Variants in LRP1B observed in about 807,000 individuals in gnomAD.
LRP1B encodes low-density lipoprotein receptor-related protein 1B.
Under a neutral mutation model 556.6 loss-of-function variants are expected in LRP1B, and 217 were observed. The ratio of observed to expected loss-of-function variants is 0.39; its 90% CI spans 0.35 to 0.44. The LOEUF (loss-of-function observed/expected upper bound fraction) is 0.44. LRP1B is among the 20% of genes least tolerant of loss of function. LRP1B has a pLI of 1.00. For synonymous variants in LRP1B, 2,047 were observed against 1,865.8 expected (o/e 1.10, Z -2.50); for missense variants, 5,053 against 5,620.8 (o/e 0.90, Z 3.23).
At chr2:140,632,325 TGG>T (rs1683916089) in intron 41 of LRP1B, among the ~76,000 whole-genome samples, 4 of 152,124 alleles carry the variant, frequency 2.6e-5, no homozygotes, top group Non-Finnish European at 4.4e-5. Flanking sequence ...TTATAGCATA[TGG>T]ATTAGTGAAA....
chr2:141,220,769 T>TAA (rs34002651), intron 6 of LRP1B, among the ~76,000 whole-genome samples: 96 of 137,106 alleles, frequency 7.0e-4, no homozygotes, highest in East Asian at 1.8e-3. Flanking sequence ...TCAACATTCT[T>TAA]AAAAAAAAAA....
At chr2:140,323,722 A>ATTCC in intron 81 of LRP1B, among the ~76,000 whole-genome samples, 171 bp downstream of exon 81, 1 of 152,044 alleles carries the variant, frequency 6.6e-6, no homozygotes, top group Admixed American at 6.6e-5. Flanking sequence ...CAGAAATAGA[A>ATTCC]TTATCTATAG....
At chr2:141,726,560 T>C (rs931971182) in intron 2 of LRP1B, among the ~76,000 whole-genome samples, 1 of 151,988 alleles carries the variant, frequency 6.6e-6, no homozygotes, top group African/African-American at 2.4e-5. Flanking sequence ...TAAAGATTAT[T>C]AAAAGAGCAA....
chr2:141,061,120 T>G (rs1469997436), intron 8 of LRP1B, among the ~76,000 whole-genome samples: 2 of 151,702 alleles, frequency 1.3e-5, no homozygotes, highest in Admixed American at 6.6e-5. Context: ...TCAAGATTTT[T>G]GGGGCAGTTG....
chr2:141,276,205 G>C (rs1413556801), intron 3 of LRP1B, among the ~76,000 whole-genome samples: 1 of 152,004 alleles, frequency 6.6e-6, no homozygotes, highest in African/African-American at 2.4e-5. Flanking sequence ...CAACCTGTTT[G>C]TGGTTTCACA....
In LRP1B at chr2:140,473,313, C is replaced by CT. The variant is rs1687842997; in HGVS notation, c.9625+1824dup. 2.6e-5 allele frequency among the ~76,000 whole-genome samples: 4 copies of CT among 152,106 alleles called. No individual in the cohort carries two copies. The Middle Eastern group carries it at 0.01, about 388-fold the overall frequency. ...AAATATTCTGAAGGCTGCAACTCTA[C>CT]TTTTCTTCCCATTTAAGTCTTGATG... On this transcript the variant is annotated intron_variant, in intron 60 of 90. Coordinates refer to ENST00000389484, the MANE Select transcript of LRP1B (RefSeq NM_018557.3).
chr2:140,499,768 T>A (rs185599619), intron 55 of LRP1B, among the ~76,000 whole-genome samples: 276 of 152,080 alleles, frequency 1.8e-3, no homozygotes, highest in Non-Finnish European at 3.6e-3. Context: ...TAAAAATGTT[T>A]AGAAAAGGTA....
intron 1 of LRP1B, among the ~76,000 whole-genome samples, chr2:142,046,128 T>C (rs1704249997): frequency 6.6e-6 from 1 of 151,980 alleles, no homozygotes. Flanking sequence ...GTTTCTCCTG[T>C]GTCTCCTTGT....
At chr2:141,539,608 T>C (rs1234767644) in intron 2 of LRP1B, among the ~76,000 whole-genome samples, 1 of 152,178 alleles carries the variant, frequency 6.6e-6, no homozygotes, top group Admixed American at 6.6e-5. Context: ...CAACAGTTGA[T>C]GGTTGCAGGA....
chr2:140,542,822 GA>G (rs1417937489), intron 43 of LRP1B, among the ~76,000 whole-genome samples: 2 of 152,228 alleles, frequency 1.3e-5, no homozygotes, highest in East Asian at 3.9e-4. Flanking sequence ...TATCTGAAAA[GA>G]GTCATCCTGG....
chr2:141,686,408 T>C (rs189004268), intron 2 of LRP1B, among the ~76,000 whole-genome samples: 1 of 152,144 alleles, frequency 6.6e-6, no homozygotes, highest in Admixed American at 6.6e-5. Flanking sequence ...GTCCCTGAGA[T>C]TGCTGTGTGC....
Position 140,325,887 on chromosome 2 carries a change from TCAA to T in LRP1B, c.12224-12_12224-10del. 6.5e-7 allele frequency: 1 copy of T among 1,530,096 alleles called. No homozygotes were observed. The highest frequency in any genetic ancestry group is 1.7e-5 in the Admixed American group (1 of 59,266). 94.8% of individuals were successfully genotyped at this position (1,530,096 alleles called of 1,614,324 possible). ...ATAATCCACAGCCAAACCTGCAAAATCAACACACACAAGACAAATAGTGCAAGT... is the reference window on the plus strand; with the variant it reads ...ATAATCCACAGCCAAACCTGCAAAATCACACACAAGACAAATAGTGCAAGT... On this transcript the variant is annotated splice_polypyrimidine_tract_variant and intron_variant, in intron 79 of 90. Coordinates refer to ENST00000389484, the MANE Select transcript of LRP1B (RefSeq NM_018557.3).
At chr2:140,573,038 A>T (rs1681388335) in intron 43 of LRP1B, among the ~76,000 whole-genome samples, 1 of 151,836 alleles carries the variant, frequency 6.6e-6, no homozygotes, top group African/African-American at 2.4e-5. Flanking sequence ...CAAATGCAAA[A>T]TTACAACTAG....
Position 140,270,360 on chromosome 2 carries a change from G to T in LRP1B, c.13143-14C>A. 1 of 1,514,846 alleles carries T rather than the reference G, an allele frequency of 6.6e-7. No individual in the cohort carries two copies. The highest frequency in any genetic ancestry group is 9.1e-7 in the Non-Finnish European group (1 of 1,094,432). The allele number at this position is 1,514,846 out of a possible 1,614,324, so 93.8% of individuals were successfully genotyped here. A position where few individuals can be genotyped will look rare whatever the true frequency, so the allele number is the denominator to read the frequency against. ...CCATTAGTGCAGCTGCAACAACAAA[G>T]AAAAAAAGAACAATTTCATTGTTAT... On this transcript the variant is annotated splice_polypyrimidine_tract_variant and intron_variant, in intron 85 of 90. Transcript: ENST00000389484.
chr2:142,015,496 G>A (rs980357905), intron 1 of LRP1B, among the ~76,000 whole-genome samples: 4 of 152,136 alleles, frequency 2.6e-5, no homozygotes, highest in Admixed American at 6.5e-5. Flanking sequence ...CAAAAGCAAT[G>A]GCAACAAAAG....
chr2:141,209,579 A>T (rs1682453897), intron 6 of LRP1B, among the ~76,000 whole-genome samples: 2 of 152,220 alleles, frequency 1.3e-5, no homozygotes. Context: ...CAACATGCTA[A>T]TAGCATTATA....
At chr2:141,963,025 A>T (rs1177568286) in intron 1 of LRP1B, among the ~76,000 whole-genome samples, 1 of 151,822 alleles carries the variant, frequency 6.6e-6, no homozygotes, top group Non-Finnish European at 1.5e-5. Flanking sequence ...TTTTTTATTC[A>T]TTAGAAATGA....
intron 25 of LRP1B, among the ~76,000 whole-genome samples, chr2:140,873,583 T>C (rs1693208103): frequency 6.6e-6 from 1 of 152,122 alleles, no homozygotes; most frequent in Non-Finnish European, 1.5e-5. Context: ...GTCTCAGTTA[T>C]AATTTTGCAA....
At chr2:141,099,534 C>T (rs554336889) in intron 7 of LRP1B, among the ~76,000 whole-genome samples, 1 of 152,288 alleles carries the variant, frequency 6.6e-6, no homozygotes, top group African/African-American at 2.4e-5. Flanking sequence ...TGAGTGCATA[C>T]ACACACAAAT....
Sources: gnomAD v4.1 joint callset for allele counts (sites outside exome capture counted in the v4.1 genomes callset) on GRCh38, gnomAD v4.1.1 for gene constraint, MANE v1.5 for transcripts, NCBI Gene and HGNC (gene_info 2026-07-23, HGNC 2026-07-21) for gene names.